Variants in INKA2 observed in about 807,000 individuals in gnomAD.
INKA2 encodes PAK4-inhibitor INKA2.
In INKA2, 3 loss-of-function variants were observed where a neutral mutation model predicts 9.8. That is an observed-to-expected ratio of 0.31 (90% CI 0.14 to 0.79). The LOEUF (loss-of-function observed/expected upper bound fraction) is 0.79. INKA2 is among the 30% of genes least tolerant of loss of function. The probability of loss-of-function intolerance (pLI) is 0.62; values close to 1 mark genes in which losing one functional copy is unlikely to be tolerated. For missense variants in INKA2, 392 were observed against 384.4 expected (o/e 1.02, Z -0.17); for synonymous variants, 147 against 143.3 (o/e 1.03, Z -0.18).
chr1:111,733,728 T>A (rs544295120), intron 1 of INKA2, among the ~76,000 whole-genome samples: 1 of 152,152 alleles, frequency 6.6e-6, no homozygotes, highest in South Asian at 2.1e-4. Flanking sequence ...TGGGCCCTCT[T>A]GGGGCTCTTT....
intron 1 of INKA2, among the ~76,000 whole-genome samples, chr1:111,752,790 T>G (rs1663438781): frequency 1.3e-5 from 2 of 151,890 alleles, no homozygotes; most frequent in African/African-American, 4.8e-5. Context: ...GCTTCCCGGG[T>G]TCACGCCATT....
intron 1 of INKA2, among the ~76,000 whole-genome samples, chr1:111,737,732 ATC>A (rs1278432864): frequency 2.6e-5 from 4 of 152,234 alleles, no homozygotes; most frequent in Non-Finnish European, 4.4e-5. Context: ...CAAGAAATTT[ATC>A]TCTGAGTCAG....
At chr1:111,732,469 A>G (rs1662928654) in intron 1 of INKA2, among the ~76,000 whole-genome samples, 1 of 151,890 alleles carries the variant, frequency 6.6e-6, no homozygotes, top group Non-Finnish European at 1.5e-5. Flanking sequence ...GCTTGCTCTC[A>G]GGGGTCAGCT....
chr1:111,744,227 C>T (rs531980863), upstream of INKA2: 1 of 152,304 alleles, frequency 6.6e-6, no homozygotes, highest in East Asian at 1.9e-4. Context: ...TTGGGGAACC[C>T]TCTCAGTTCC....
chr1:111,745,289 ATATATT>A (rs1218117521), intron 1 of INKA2: 11 of 52,672 alleles, frequency 2.1e-4, no homozygotes, highest in African/African-American at 8.5e-4. Flanking sequence ...ATATATATAT[ATATATT>A]TTTTTTTTTT....
At position 111,726,893 on chromosome 1, in the gene INKA2, A is replaced by G. The variant is rs1571589027; in HGVS notation, c.*75T>C. 9 of 1,433,748 alleles carry G rather than the reference A, an allele frequency of 6.3e-6. No individual in the cohort carries two copies. Among genetic ancestry groups the G allele is most frequent in the Non-Finnish European group, 8.6e-6 (9 of 1,050,774 alleles). 88.8% of individuals were successfully genotyped at this position (1,433,748 alleles called of 1,614,324 possible). ...TGGGCTTTCGAGAGCCATACCGCCC[A>G]CCCTCCCTCCTCCCCAGGGGCCCAG... On this transcript the variant is annotated 3_prime_UTR_variant, in exon 2 of 2. Coordinates refer to ENST00000357260, the MANE Select transcript of INKA2 (RefSeq NM_019099.5).
intron 1 of INKA2, among the ~76,000 whole-genome samples, chr1:111,735,317 A>G (rs1312012565): frequency 6.6e-6 from 1 of 152,210 alleles, no homozygotes; most frequent in African/African-American, 2.4e-5. Flanking sequence ...TGATCAAACC[A>G]TCATCAACAG....
chr1:111,733,163 A>T (rs1370733280), intron 1 of INKA2, among the ~76,000 whole-genome samples: 1 of 152,200 alleles, frequency 6.6e-6, no homozygotes, highest in Non-Finnish European at 1.5e-5. Context: ...ATATCTACAT[A>T]GGACCTCGTC....
chr1:111,723,521 C>G lies in INKA2; in HGVS notation c.*3447G>C. On this transcript the variant is annotated 3_prime_UTR_variant, in exon 2 of 2. Coordinates refer to ENST00000357260, the MANE Select transcript of INKA2 (RefSeq NM_019099.5). ...AGATACCTGGGCCAATCAGGTGGCC[C>G]TTGTACCTGCCAGGGAAGTGGGGCA... is the stretch of plus-strand genomic sequence containing the variant. 2 of 167,746 alleles carry G rather than the reference C, an allele frequency of 1.2e-5. No homozygotes were observed. Among genetic ancestry groups the G allele is most frequent in the Non-Finnish European group, 2.5e-5 (2 of 78,654 alleles). 10.4% of individuals were successfully genotyped at this position (167,746 alleles called of 1,614,324 possible). A position where few individuals can be genotyped will look rare whatever the true frequency, so the allele number is the denominator to read the frequency against.
chr1:111,741,561 A>G (rs764276627), upstream of INKA2, among the ~76,000 whole-genome samples: 1 of 152,198 alleles, frequency 6.6e-6, no homozygotes, highest in South Asian at 2.1e-4. Flanking sequence ...CCCAGCATTG[A>G]CATATAGTCC....
intron 1 of INKA2, among the ~76,000 whole-genome samples, chr1:111,738,485 A>T (rs1298454238): frequency 3.3e-5 from 5 of 150,014 alleles, no homozygotes; most frequent in African/African-American, 1.2e-4. Flanking sequence ...CAGACCTGAC[A>T]TCTGGCTGGG....
At chr1:111,750,364 G>A (rs1377265467) in intron 1 of INKA2, among the ~76,000 whole-genome samples, 1 of 152,228 alleles carries the variant, frequency 6.6e-6, no homozygotes, top group Admixed American at 6.5e-5. Context: ...ACGTTGGGAG[G>A]TAGCCAGCTA....
chr1:111,742,324 T>G (rs886749032), upstream of INKA2, among the ~76,000 whole-genome samples: 1 of 152,094 alleles, frequency 6.6e-6, no homozygotes, highest in African/African-American at 2.4e-5. Flanking sequence ...CAGTGACTCA[T>G]GCCTGTAATC....
At chr1:111,732,529 G>A (rs1283619030) in intron 1 of INKA2, among the ~76,000 whole-genome samples, 1 of 150,850 alleles carries the variant, frequency 6.6e-6, no homozygotes, top group Non-Finnish European at 1.5e-5. Context: ...TTGAGCAAGA[G>A]CCACCTCTTT....
At position 111,727,165 on chromosome 1, in the gene INKA2, C is replaced by A. The variant is rs199713597; in HGVS notation, c.697G>T (p.Val233Leu). Residue 233 changes from valine to leucine, a missense_variant, in exon 2 of 2, where the codon GTG becomes TTG. Val to Leu is a conservative substitution (Grantham distance 32). Coordinates refer to ENST00000357260, the MANE Select transcript of INKA2 (RefSeq NM_019099.5). ...CGGGACTCAGGGACCATGGGTGTCACCCAGCCTGGCTTCTCCTTCAGCAGC... is the reference window on the plus strand; with the variant it reads ...CGGGACTCAGGGACCATGGGTGTCAACCAGCCTGGCTTCTCCTTCAGCAGC... ...DRLLKEKPGW[V>L]TPMVPESRTG... 151 of 1,614,086 alleles carry A rather than the reference C, an allele frequency of 9.4e-5. 2 individuals carry two copies. The highest frequency in any genetic ancestry group is 1.7e-5 in the Admixed American group (1 of 60,006).
intron 1 of INKA2, among the ~76,000 whole-genome samples, chr1:111,734,214 A>G (rs1473377012): frequency 6.6e-6 from 1 of 151,968 alleles, no homozygotes; most frequent in Non-Finnish European, 1.5e-5. Flanking sequence ...TCCCAACACA[A>G]CCATCTATGG....
rs1269716987 is a variant in INKA2 at position 111,725,344 on chromosome 1, C to T, written c.*1624G>A. On this transcript the variant is annotated 3_prime_UTR_variant, in exon 2 of 2. Transcript: ENST00000357260. Reference sequence around the variant, plus strand: ...GGCTTGGTCAGCCCAAAAGAAGATCCACATTGTCTTTTCCCAGCCAGTGAG... The same window carrying T: ...GGCTTGGTCAGCCCAAAAGAAGATCTACATTGTCTTTTCCCAGCCAGTGAG... 1 of 152,208 alleles carries T rather than the reference C, an allele frequency of 6.6e-6. No homozygotes were observed. Among genetic ancestry groups the T allele is most frequent in the Non-Finnish European group, 1.5e-5 (1 of 68,082 alleles). The allele number at this position is 152,208 out of a possible 1,614,324, so 9.4% of individuals were successfully genotyped here.
intron 1 of INKA2, among the ~76,000 whole-genome samples, chr1:111,733,962 C>G (rs1397199620): frequency 6.6e-6 from 1 of 152,194 alleles, no homozygotes; most frequent in African/African-American, 2.4e-5. Context: ...CTCACAAGAT[C>G]CCCACAAAGT....
At chr1:111,735,880 C>A (rs992419070) in intron 1 of INKA2, among the ~76,000 whole-genome samples, 1 of 152,216 alleles carries the variant, frequency 6.6e-6, no homozygotes, top group African/African-American at 2.4e-5. Flanking sequence ...TGGCTTCCTG[C>A]AACCTCTCCC....
Sources: gnomAD v4.1 joint callset for allele counts (sites outside exome capture counted in the v4.1 genomes callset) on GRCh38, gnomAD v4.1.1 for gene constraint, MANE v1.5 for transcripts, NCBI Gene and HGNC (gene_info 2026-07-23, HGNC 2026-07-21) for gene names.